The following ZNF324B variants were observed in gnomAD, a reference collection of about 807,000 sequenced individuals.
ZNF324B encodes the protein zinc finger protein 324B.
ZNF324B carries 7 observed loss-of-function variants against 10.6 expected under a neutral mutation model. That is an observed-to-expected ratio of 0.66 (90% CI 0.38 to 1.24). ZNF324B has a LOEUF of 1.24. Ranked by LOEUF, ZNF324B falls within the 50% of genes most tolerant of loss-of-function variation. The pLI, the probability that ZNF324B is intolerant of heterozygous loss-of-function variation, is 0.02. For missense variants in ZNF324B, 640 were observed against 764.7 expected, an observed-to-expected ratio of 0.84 and a Z score of 1.92; for synonymous variants, 316 against 321.0, an observed-to-expected ratio of 0.98 and a Z score of 0.17.
At chr19:58,447,891 T>C (rs748555472), upstream of ZNF324B, among the ~76,000 whole-genome samples, 2 of 152,196 alleles carry the variant, frequency 1.3e-5, no homozygotes, top group African/African-American at 2.4e-5. Flanking sequence ...AGAGACCTGA[T>C]GGTTTTATAA....
At chr19:58,451,503 C>A, upstream of ZNF324B, 1 of 423,038 alleles carries the variant, frequency 2.4e-6, no homozygotes, top group Non-Finnish European at 4.7e-6. Context: ...CTGGTAATGG[C>A]CCCGCCTCCG....
chr19:58,435,349 G>T, the ZNF324B span: 1 of 934,166 alleles, frequency 1.1e-6, no homozygotes, highest in Non-Finnish European at 1.6e-6. Flanking sequence ...CCATCATCAG[G>T]GTGAAGAAGG....
rs755922603 is a variant in ZNF324B, at chr19:58,455,398, C to G, written c.454C>G (p.Arg152Gly). The change falls in exon 4 of 4, where the codon CGC becomes GGC. Residue 152 changes from arginine (R) to glycine (G), a missense_variant. Coordinates refer to ENST00000336614, the MANE Select transcript of ZNF324B (RefSeq NM_207395.3). The surrounding 1 kb of genome is among the most constrained non-coding windows in gnomAD (Gnocchi z 7.0). Reference sequence around the variant, plus strand: ...CTGGGAGAGGCTCCTGCTAGGCTCGCGCAGTGACCAGGCCAGCATCAGCCT... The same window carrying G: ...CTGGGAGAGGCTCCTGCTAGGCTCGGGCAGTGACCAGGCCAGCATCAGCCT... The part of the protein sequence containing the change: ...IYWERLLLGS[R>G]SDQASISLRL... 9.3e-6 allele frequency: 15 copies of G among 1,614,080 alleles called. 1 individual carries two copies. The South Asian group carries it at 1.1e-4, about 12-fold the overall frequency.
chr19:58,442,306 C>T, the ZNF324B span: 1 of 150,584 alleles, frequency 6.6e-6, no homozygotes, highest in Admixed American at 6.6e-5. Flanking sequence ...GCAGCTGGGA[C>T]TACAGGCGCC....
the ZNF324B span, chr19:58,445,776 C>T: frequency 2.5e-5 from 7 of 285,616 alleles, no homozygotes; most frequent in East Asian, 1.2e-4. Flanking sequence ...GTTAGAGCCA[C>T]TGCACCCCAG....
the ZNF324B span, among the ~76,000 whole-genome samples, chr19:58,425,166 G>T: frequency 6.6e-6 from 1 of 151,942 alleles, no homozygotes; most frequent in East Asian, 1.9e-4. Context: ...TGAGGCAGGG[G>T]AATTGCTTGA....
At chr19:58,427,691 T>C in the ZNF324B span, among the ~76,000 whole-genome samples, 3 of 151,536 alleles carry the variant, frequency 2.0e-5, no homozygotes, top group East Asian at 3.9e-4. Context: ...GGTCTCATTA[T>C]GTTGCCCAGG....
rs1180667720 is a variant in ZNF324B, at chr19:58,456,177, G to A, written c.1233G>A (p.Ser411=). The A allele has an allele frequency of 2.0e-5, 33 of 1,612,762 alleles. No individual in the cohort carries two copies. The highest frequency in any genetic ancestry group is 4.0e-5 in the African/African-American group (3 of 74,812). Reference sequence around the variant, plus strand: ...GTGCTGCCTTCAGCCAGGGCTCCTCGCTCTTTTTGCACCAGCGCGTGCACA... The same window carrying A: ...GTGCTGCCTTCAGCCAGGGCTCCTCACTCTTTTTGCACCAGCGCGTGCACA... The part of the protein sequence containing the change: ...LCGAAFSQGS[S]LFLHQRVHTG... The change falls in exon 4 of 4, where the codon TCG becomes TCA. Residue 411 remains serine, a synonymous_variant. Coordinates refer to ENST00000336614, the MANE Select transcript of ZNF324B (RefSeq NM_207395.3). This position sits in a 1 kb window ranked among gnomAD's most constrained non-coding sequence, Gnocchi z 4.7.
chr19:58,431,291 G>A, the ZNF324B span: 1 of 152,304 alleles, frequency 6.6e-6, no homozygotes, highest in Non-Finnish European at 1.5e-5. Context: ...CAGTCATGGA[G>A]TACTGGTCCT....
the ZNF324B span, among the ~76,000 whole-genome samples, chr19:58,431,936 C>T: frequency 2.0e-5 from 3 of 151,922 alleles, no homozygotes; most frequent in African/African-American, 2.4e-5. Context: ...TGGAGCTTGC[C>T]GTGAGCCAAA....
chr19:58,439,936 G>A, the ZNF324B span: 2 of 1,095,324 alleles, frequency 1.8e-6, no homozygotes, highest in East Asian at 2.8e-5. Flanking sequence ...AGGCCTCTGG[G>A]CACCGCAGGG....
the ZNF324B span, chr19:58,437,256 G>C: frequency 4.5e-6 from 7 of 1,540,634 alleles, no homozygotes; most frequent in Non-Finnish European, 6.1e-6. Context: ...GAAATATGCA[G>C]GACCTTGCTG....
At position 58,451,704 on chromosome 19, in the gene ZNF324B, G is replaced by A. The variant is rs755964117; in HGVS notation, c.-7G>A. ...GGGGCCCGAGGCGGGCGGCCAGGAAGGTACGGACCACGAGCAGCCGGCCGC... is the reference window on the plus strand; with the variant it reads ...GGGGCCCGAGGCGGGCGGCCAGGAAAGTACGGACCACGAGCAGCCGGCCGC... On this transcript the variant is annotated splice_region_variant and 5_prime_UTR_variant, in exon 1 of 4. Coordinates refer to ENST00000336614, the MANE Select transcript of ZNF324B (RefSeq NM_207395.3). 1 of 489,866 alleles carries A rather than the reference G, an allele frequency of 2.0e-6. No individual in the cohort carries two copies. Among genetic ancestry groups the A allele is most frequent in the African/African-American group, 2.0e-5 (1 of 48,992 alleles). The allele number at this position is 489,866 out of a possible 1,614,324, so 30.3% of individuals were successfully genotyped here. A position where few individuals can be genotyped will look rare whatever the true frequency, so the allele number is the denominator to read the frequency against.
At chr19:58,423,926 C>T in the ZNF324B span, among the ~76,000 whole-genome samples, 1 of 152,206 alleles carries the variant, frequency 6.6e-6, no homozygotes, top group Admixed American at 6.6e-5. Flanking sequence ...AAACATATGA[C>T]TCAAAACTGT....
upstream of ZNF324B, among the ~76,000 whole-genome samples, chr19:58,450,281 G>T (rs1346692674): frequency 1.3e-5 from 2 of 151,942 alleles, no homozygotes; most frequent in Non-Finnish European, 2.9e-5. Context: ...CCCAGTCTCA[G>T]ATATGTCTTT....
At chr19:58,437,150 C>T in the ZNF324B span, 1 of 1,614,094 alleles carries the variant, frequency 6.2e-7, no homozygotes, top group Non-Finnish European at 8.5e-7. Flanking sequence ...AGTATACAGC[C>T]ACATCTTCAA....
chr19:58,438,698 C>T, the ZNF324B span, among the ~76,000 whole-genome samples: 1 of 151,940 alleles, frequency 6.6e-6, no homozygotes, highest in African/African-American at 2.4e-5. Context: ...TGGTCTCAAT[C>T]TCCTGACCTA....
chr19:58,450,414 G>A (rs917137797), upstream of ZNF324B, among the ~76,000 whole-genome samples: 3 of 145,646 alleles, frequency 2.1e-5, no homozygotes, highest in East Asian at 2.0e-4. Flanking sequence ...GCAGTGACCC[G>A]AGTATGCACC....
the ZNF324B span, chr19:58,432,375 C>A: frequency 2.0e-6 from 1 of 498,138 alleles, no homozygotes; most frequent in South Asian, 1.5e-5. Context: ...ACACCCTCAC[C>A]CTGCACAGTC....
Sources: gnomAD v4.1 joint callset for allele counts (sites outside exome capture counted in the v4.1 genomes callset) on GRCh38, gnomAD v4.1.1 for gene constraint, Gnocchi (gnomAD v3.1) non-coding constraint, MANE v1.5 for transcripts, NCBI Gene and HGNC (gene_info 2026-07-23, HGNC 2026-07-21) for gene names.